RASAL1: variants seen among roughly 807,000 people sequenced by gnomAD.
The protein encoded by RASAL1 is rasGAP-activating-like protein 1.
RASAL1 carries 72 observed loss-of-function variants against 96.6 expected under a neutral mutation model. The ratio of observed to expected loss-of-function variants is 0.75; its 90% CI spans 0.62 to 0.91. The LOEUF is 0.91. RASAL1 is among the 40% of genes least tolerant of loss of function. The pLI, the probability that RASAL1 is intolerant of heterozygous loss-of-function variation, is 0.00. For synonymous variants in RASAL1, 405 were observed against 430.4 expected, an observed-to-expected ratio of 0.94 and a Z score of 0.73; for missense variants, 1,016 against 1,072.5, an observed-to-expected ratio of 0.95 and a Z score of 0.74.
intron 19 of RASAL1, 41 bp downstream of exon 19, chr12:113,101,848 C>A (rs769177443): frequency 6.3e-7 from 1 of 1,595,526 alleles, no homozygotes; most frequent in African/African-American, 1.3e-5. Flanking sequence ...GCTGGCCTGG[C>A]TGGTCATAGG....
In RASAL1 at chr12:113,115,175, G is replaced by T; in HGVS notation, c.1068+25C>A. 2 of 1,600,108 alleles carry T rather than the reference G, an allele frequency of 1.2e-6. 1 individual carries two copies. The highest frequency in any genetic ancestry group is 2.2e-5 in the South Asian group (2 of 90,724). On this transcript the variant is annotated intron_variant, in intron 11 of 20. Coordinates refer to ENST00000548055, the MANE Select transcript of RASAL1 (RefSeq NM_001301202.2). The surrounding 1 kb of genome is among the most constrained non-coding windows in gnomAD (Gnocchi z 4.1). ...GAGGTACCCGAGGAAGCTGCGCCTG[G>T]TCCCGCAGGCCTTCACCTACTCACC...
intron 12 of RASAL1, among the ~76,000 whole-genome samples, chr12:113,114,467 T>A (rs536939885): frequency 8.9e-6 from 1 of 112,692 alleles, no homozygotes; most frequent in African/African-American, 3.6e-5. Flanking sequence ...GAGTAAAACC[T>A]TGTCTCAAAA....
Position 113,100,060 on chromosome 12 carries a change from G to C in RASAL1, c.2287C>G (p.Pro763Ala). 1 of 1,607,664 alleles carries C rather than the reference G, an allele frequency of 6.2e-7. No homozygotes were observed. ...GCTCTTTGCCGGGCCAGGACCTCAGGACAGGCCCCTAGGAGGGAGACAAGA... is the reference window on the plus strand; with the variant it reads ...GCTCTTTGCCGGGCCAGGACCTCAGCACAGGCCCCTAGGAGGGAGACAAGA... ...TTLEADTGAC[P>A]EVLARQRAAT... Residue 763 changes from proline to alanine, a missense_variant, in exon 21 of 21, where the codon CCT (proline) becomes GCT (alanine). Coordinates refer to ENST00000548055, the MANE Select transcript of RASAL1 (RefSeq NM_001301202.2).
At position 113,127,851 on chromosome 12, in the gene RASAL1, T is replaced by A. The variant is rs866806006; in HGVS notation, c.259A>T (p.Ile87Phe). 4.3e-6 allele frequency: 7 copies of A among 1,613,306 alleles called. No individual in the cohort carries two copies. The East Asian group carries it at 1.6e-4, about 36-fold the overall frequency. The change falls in exon 4 of 21, where the codon ATC (isoleucine) becomes TTC (phenylalanine). Residue 87 changes from isoleucine (I) to phenylalanine (F), a missense_variant. By Grantham distance (21) the Ile-to-Phe change is conservative. Transcript: ENST00000548055. The part of the protein sequence containing the change: ...TVGHDDIIGK[I>F]SLSREAITAD... Reference sequence around the variant, plus strand: ...GTAATCGCCTCCCTGCTCAGCGAGATCTTGCCGATGATGTCGTCGTGCCTG... The same window carrying A: ...GTAATCGCCTCCCTGCTCAGCGAGAACTTGCCGATGATGTCGTCGTGCCTG...
intron 13 of RASAL1, among the ~76,000 whole-genome samples, chr12:113,109,680 C>T (rs1387902879): frequency 2.6e-5 from 4 of 152,322 alleles, no homozygotes; most frequent in African/African-American, 7.2e-5. Context: ...CTCCCCGGGG[C>T]GTGTGCCACC....
rs73207007 is a variant in RASAL1, at chr12:113,102,024, C to T, written c.2105-15G>A. 222,539 of 1,609,192 alleles carry T rather than the reference C, an allele frequency of 0.14. 17,028 individuals are homozygous for T. The highest frequency in any genetic ancestry group is 0.17 in the Middle Eastern group (998 of 6,002). On this transcript the variant is annotated splice_polypyrimidine_tract_variant and intron_variant, in intron 18 of 20. Transcript: ENST00000548055. ...GCAGCCGGCGGCTGAGGGAACACAG[C>T]TTCATTCATCAGTAACTCCCTCTCC...
intron 4 of RASAL1, among the ~76,000 whole-genome samples, chr12:113,124,704 A>G (rs1040560052): frequency 6.6e-6 from 1 of 152,230 alleles, no homozygotes; most frequent in African/African-American, 2.4e-5. Context: ...TCTGGTGGAC[A>G]CTTCACTGGT....
chr12:113,113,395 A>C (rs964736777), intron 12 of RASAL1, among the ~76,000 whole-genome samples: 1 of 151,872 alleles, frequency 6.6e-6, no homozygotes, highest in African/African-American at 2.4e-5. Context: ...AGGACTGCCA[A>C]CTCCACAGCC....
intron 13 of RASAL1, among the ~76,000 whole-genome samples, chr12:113,108,905 G>C (rs1056347963): frequency 1.4e-5 from 2 of 146,072 alleles, no homozygotes; most frequent in African/African-American, 5.0e-5. Context: ...CACGATCTCT[G>C]CTTACTGCAA....
At chr12:113,120,465 G>A (rs1951253333) in intron 5 of RASAL1, among the ~76,000 whole-genome samples, 1 of 152,142 alleles carries the variant, frequency 6.6e-6, no homozygotes, top group South Asian at 2.1e-4. Flanking sequence ...GAGGCGGTGG[G>A]AGAGGCTCAG....
chr12:113,113,524 A>G (rs1379871494), intron 12 of RASAL1, among the ~76,000 whole-genome samples: 4 of 152,124 alleles, frequency 2.6e-5, no homozygotes, highest in Non-Finnish European at 5.9e-5. Flanking sequence ...AGTCTCACAG[A>G]TGGACTGTGT....
chr12:113,126,488 G>A lies in RASAL1; in HGVS notation c.298+1324C>T, dbSNP rs75185906. Reference sequence around the variant, plus strand: ...TTGAGGCCAAGAGTTCAAGACCAGCGTGATTTCACATGGTGAAACCCTTCC... The same window carrying A: ...TTGAGGCCAAGAGTTCAAGACCAGCATGATTTCACATGGTGAAACCCTTCC... On this transcript the variant is annotated intron_variant, in intron 4 of 20. Coordinates refer to ENST00000548055, the MANE Select transcript of RASAL1 (RefSeq NM_001301202.2). Among the ~76,000 whole-genome samples the A allele has an allele frequency of 8.3e-4, 126 of 151,910 alleles. 1 individual carries two copies. The East Asian group carries it at 0.02, about 24-fold the overall frequency.
At chr12:113,121,195 C>A (rs1379625025) in intron 5 of RASAL1, among the ~76,000 whole-genome samples, 4 of 152,208 alleles carry the variant, frequency 2.6e-5, no homozygotes, top group Admixed American at 2.6e-4. Context: ...AATAAAGTAG[C>A]TCTTTTGCTT....
Position 113,130,218 on chromosome 12 carries a change from C to T in RASAL1, c.122+667G>A, listed in dbSNP as rs1446461953. 1.3e-5 allele frequency among the ~76,000 whole-genome samples: 2 copies of T among 152,170 alleles called. No homozygotes were observed. Among genetic ancestry groups the T allele is most frequent in the East Asian group, 1.9e-4 (1 of 5,184 alleles). On this transcript the variant is annotated intron_variant, in intron 2 of 20. Transcript: ENST00000548055. This position sits in a 1 kb window ranked among gnomAD's most constrained non-coding sequence, Gnocchi z 5.1. The stretch of plus-strand genomic sequence containing the variant: ...CTGCGGGGGTGGGAGCCAAGCAGGG[C>T]GCAGCCTGATATCCCCCTGCGAGAC...
chr12:113,107,269 G>A (rs1282716451), intron 14 of RASAL1, 28 bp from the exon 15 acceptor site: 1 of 1,565,678 alleles, frequency 6.4e-7, no homozygotes, highest in African/African-American at 1.4e-5. Flanking sequence ...GGGATGCCGG[G>A]GCCAAGGTCA....
intron 13 of RASAL1, among the ~76,000 whole-genome samples, chr12:113,111,202 G>A (rs983854796): frequency 6.6e-6 from 1 of 152,164 alleles, no homozygotes; most frequent in African/African-American, 2.4e-5. Context: ...TTCATTTTTA[G>A]ACTTTATTCT....
At position 113,115,831 on chromosome 12, in the gene RASAL1, C is replaced by T. The variant is rs761296858; in HGVS notation, c.850-43G>A. ...ACAAAGATGACCTCGGCCCCTGGGACCCCAAAGCAGATGGGCCTAGATAGG... is the reference window on the plus strand; with the variant it reads ...ACAAAGATGACCTCGGCCCCTGGGATCCCAAAGCAGATGGGCCTAGATAGG... On this transcript the variant is annotated intron_variant, in intron 9 of 20. Coordinates refer to ENST00000548055, the MANE Select transcript of RASAL1 (RefSeq NM_001301202.2). This position sits in a 1 kb window ranked among gnomAD's most constrained non-coding sequence, Gnocchi z 4.1. 3.7e-6 allele frequency: 6 copies of T among 1,610,974 alleles called. No individual in the cohort carries two copies. Among genetic ancestry groups the T allele is most frequent in the African/African-American group, 1.3e-5 (1 of 74,982 alleles).
At position 113,121,586 on chromosome 12, in the gene RASAL1, C is replaced by T. The variant is rs1210241529; in HGVS notation, c.351G>A (p.Gln117=). The T allele has an allele frequency of 6.2e-7, 1 of 1,614,246 alleles. No homozygotes were observed. ...LSRVDPDAEV[Q]GEICLSVQML... is the part of the protein sequence containing the mutation. Reference sequence around the variant, plus strand: ...TCTGCACTGACAGGCAGATCTCACCCTGCACTTCTGCATCTGGGTCCACTC... The same window carrying T: ...TCTGCACTGACAGGCAGATCTCACCTTGCACTTCTGCATCTGGGTCCACTC... The change falls in exon 5 of 21, where the codon CAG becomes CAA. Residue 117 remains glutamine, a synonymous_variant. Coordinates refer to ENST00000548055, the MANE Select transcript of RASAL1 (RefSeq NM_001301202.2).
Position 113,134,148 on chromosome 12 carries a change from G to T in RASAL1, c.65+1250C>A, listed in dbSNP as rs552115932. ...GGGGACATCTTAGAAAGAGTCTGGT[G>T]GGGGGGCTTGTCCAGCCACTGAACT... On this transcript the variant is annotated intron_variant, in intron 1 of 20. Transcript: ENST00000548055. Among the ~76,000 whole-genome samples, 10 of 151,962 alleles carry T rather than the reference G, an allele frequency of 6.6e-5. No individual in the cohort carries two copies. In the South Asian group the frequency reaches 1.9e-3, roughly 28 times the overall value.
Sources: allele counts gnomAD v4.1 joint callset (sites outside exome capture counted in the v4.1 genomes callset), GRCh38; gene constraint gnomAD v4.1.1; non-coding constraint Gnocchi (gnomAD v3.1); transcripts MANE v1.5; gene names NCBI Gene and HGNC (gene_info 2026-07-23, HGNC 2026-07-21).